SLC22A24: variants seen among roughly 807,000 people sequenced by gnomAD.
The protein encoded by SLC22A24 is solute carrier family 22 member 24.
SLC22A24 carries 53 observed loss-of-function variants against 49.8 expected under a neutral mutation model. That is an observed-to-expected ratio of 1.06 (90% CI 0.85 to 1.34). The LOEUF (loss-of-function observed/expected upper bound fraction) is 1.34, where lower values mean the gene tolerates loss of function less well. Among genes scored for constraint, SLC22A24 ranks in the 40% most tolerant of loss-of-function variants. The probability of loss-of-function intolerance (pLI) is 0.00; values close to 1 mark genes in which losing one functional copy is unlikely to be tolerated. For missense variants in SLC22A24, 786 were observed against 675.9 expected, an observed-to-expected ratio of 1.16 and a Z score of -1.81; for synonymous variants, 302 against 256.4, an observed-to-expected ratio of 1.18 and a Z score of -1.70.
chr11:63,125,257 A>T (rs1164969154), intron 2 of SLC22A24, among the ~76,000 whole-genome samples: 6 of 152,060 alleles, frequency 3.9e-5, no homozygotes, highest in Non-Finnish European at 8.8e-5. Flanking sequence ...TGCTGCACCC[A>T]TTAACTTGTC....
chr11:63,082,213 G>T (rs1176780313), intron 7 of SLC22A24, among the ~76,000 whole-genome samples: 1 of 152,164 alleles, frequency 6.6e-6, no homozygotes, highest in Non-Finnish European at 1.5e-5. Flanking sequence ...GGGTTTATTT[G>T]GGAGTGGACA....
rs180812625 is a variant in SLC22A24 at position 63,120,861 on chromosome 11, T to C, written c.507-1526A>G. On this transcript the variant is annotated intron_variant, in intron 2 of 9. Transcript: ENST00000612278. ...TGTATGAGGCAACTTAGAATAGAAT[T>C]ATCTTTAAAAAAAGATCTATGATAC... is the stretch of plus-strand genomic sequence containing the variant. Among the ~76,000 whole-genome samples, 57 of 152,274 alleles carry C rather than the reference T, an allele frequency of 3.7e-4. 1 individual carries two copies. The highest frequency in any genetic ancestry group is 1.4e-3 in the African/African-American group (57 of 41,566).
rs748688066 is a variant in SLC22A24 at position 63,118,915 on chromosome 11, G to T, written c.827C>A (p.Ser276Tyr). 1 of 1,551,928 alleles carries T rather than the reference G, an allele frequency of 6.4e-7. No homozygotes were observed. Among genetic ancestry groups the T allele is most frequent in the Non-Finnish European group, 8.7e-7 (1 of 1,147,040 alleles). The change falls in exon 4 of 10, where the codon TCT becomes TAT. Residue 276 changes from serine (S) to tyrosine (Y), a missense_variant. Ser to Tyr is a moderately radical substitution (Grantham distance 144). Coordinates refer to ENST00000612278, the MANE Select transcript of SLC22A24 (RefSeq NM_001136506.2). ...STPIIVLFLSSWKMVESARWL... is the reference protein window; with the variant it reads ...STPIIVLFLSYWKMVESARWL... The stretch of plus-strand genomic sequence containing the variant: ...AGAATGTGGAGATTGTTCATACCAA[G>T]AGGACAAGAAGAGGACAATTATGGG...
rs186327911 is a variant in SLC22A24 at position 63,107,147 on chromosome 11, A to G, written c.831-2849T>C. ...GGGATCCAGTTTCAGCTTTCTACAT[A>G]TGGCTAGCCAGTTTTCCCAGCAACA... is the stretch of plus-strand genomic sequence containing the variant. On this transcript the variant is annotated intron_variant, in intron 4 of 9. Transcript: ENST00000612278. 2.6e-3 allele frequency among the ~76,000 whole-genome samples: 401 copies of G among 152,284 alleles called. 1 individual carries two copies. The highest frequency in any genetic ancestry group is 9.0e-3 in the African/African-American group (373 of 41,550).
chr11:63,132,940 C>G (rs189052900), intron 2 of SLC22A24, among the ~76,000 whole-genome samples: 1 of 152,210 alleles, frequency 6.6e-6, no homozygotes, highest in Non-Finnish European at 1.5e-5. Context: ...GTAGTCCTTA[C>G]GGAGCTACGG....
chr11:63,095,458 A>G (rs2087048181), intron 6 of SLC22A24, among the ~76,000 whole-genome samples: 1 of 152,198 alleles, frequency 6.6e-6, no homozygotes, highest in Non-Finnish European at 1.5e-5. Context: ...AAAGGTACAC[A>G]GATAGCATGA....
chr11:63,104,436 C>G, intron 4 of SLC22A24, 138 bp from the exon 5 acceptor site: 1 of 857,646 alleles, frequency 1.2e-6, no homozygotes, highest in Non-Finnish European at 1.7e-6. Context: ...AAATTGGCCT[C>G]CTCTGCTGGA....
At position 63,119,336 on chromosome 11, in the gene SLC22A24, C is replaced by G. The variant is rs1456980806; in HGVS notation, c.507-1G>C. The G allele has an allele frequency of 6.6e-7, 1 of 1,526,514 alleles. No individual in the cohort carries two copies. The highest frequency in any genetic ancestry group is 2.5e-5 in the East Asian group (1 of 40,750). 94.6% of individuals were successfully genotyped at this position (1,526,514 alleles called of 1,614,324 possible). ...TTTGCATATGATCTTCCGTCCAACC[C>G]TAAGAAATATTAAACCAGATAACGT... On this transcript the variant is annotated splice_acceptor_variant, in intron 2 of 9. Transcript: ENST00000612278. LOFTEE classifies it high-confidence loss of function.
intron 5 of SLC22A24, among the ~76,000 whole-genome samples, chr11:63,098,666 AAAAC>A (rs2014897065): frequency 6.6e-6 from 1 of 151,974 alleles, no homozygotes; most frequent in African/African-American, 2.4e-5. Flanking sequence ...CCATCTCAAA[AAAAC>A]AAACAAGCAA....
Position 63,130,402 on chromosome 11 carries a change from A to G in SLC22A24, c.506+4263T>C, listed in dbSNP as rs142268772. On this transcript the variant is annotated intron_variant, in intron 2 of 9. Transcript: ENST00000612278. The stretch of plus-strand genomic sequence containing the variant: ...CTAATATTTTATTGAGGATTTTCAC[A>G]TCAATGTTCATCAGGGATGTTGGTC... Among the ~76,000 whole-genome samples, 1,374 of 152,282 alleles carry G rather than the reference A, an allele frequency of 9.0e-3. 11 individuals are homozygous for G. The highest frequency in any genetic ancestry group is 0.013 in the Non-Finnish European group (899 of 68,026).
intron 6 of SLC22A24, among the ~76,000 whole-genome samples, chr11:63,088,686 G>C (rs1173750342): frequency 6.6e-6 from 1 of 151,988 alleles, no homozygotes; most frequent in African/African-American, 2.4e-5. Flanking sequence ...TTGATAAAAG[G>C]TTGCAGGAAC....
chr11:63,097,186 A>G (rs1590732606), intron 5 of SLC22A24, among the ~76,000 whole-genome samples: 1 of 151,604 alleles, frequency 6.6e-6, no homozygotes, highest in Non-Finnish European at 1.5e-5. Context: ...CATCTGTCAA[A>G]GGGCTAATAT....
At chr11:63,141,118 G>T (rs529006421) in intron 1 of SLC22A24, among the ~76,000 whole-genome samples, 3 of 152,140 alleles carry the variant, frequency 2.0e-5, no homozygotes, top group South Asian at 2.1e-4. Context: ...ATTGTAAAGC[G>T]TTCTAAAAAG....
chr11:63,113,029 A>ATATATATATATATATATATATACACAC (rs1565331969), intron 4 of SLC22A24, among the ~76,000 whole-genome samples: 1 of 50,902 alleles, frequency 2.0e-5, no homozygotes. Context: ...AAAAAAAAAA[A>ATATATATATATATATATATATACACAC]AAAAAAATAT....
At chr11:63,126,931 T>A (rs1252906527) in intron 2 of SLC22A24, among the ~76,000 whole-genome samples, 2 of 152,166 alleles carry the variant, frequency 1.3e-5, no homozygotes, top group Non-Finnish European at 2.9e-5. Context: ...GGGAGTTCAC[T>A]CAGGATTTGG....
intron 4 of SLC22A24, among the ~76,000 whole-genome samples, chr11:63,105,759 C>T (rs1372065665): frequency 6.6e-6 from 1 of 151,982 alleles, no homozygotes; most frequent in East Asian, 1.9e-4. Context: ...GAGACATTTT[C>T]CTCATTTTCT....
At chr11:63,107,817 C>T (rs922675383) in intron 4 of SLC22A24, among the ~76,000 whole-genome samples, 4 of 152,086 alleles carry the variant, frequency 2.6e-5, no homozygotes, top group African/African-American at 9.7e-5. Context: ...TGCTTATCAG[C>T]TTAAGGAGAT....
In SLC22A24 at chr11:63,125,977, T is replaced by C. The variant is rs571455994; in HGVS notation, c.507-6642A>G. Among the ~76,000 whole-genome samples the C allele has an allele frequency of 2.0e-5, 3 of 152,348 alleles. No homozygotes were observed. The South Asian group carries it at 6.2e-4, about 32-fold the overall frequency. ...TCTTCTTTTGAGAAGTGTCTGTTCA[T>C]ATCCTTCGCCCACTTTTTGATGGGG... On this transcript the variant is annotated intron_variant, in intron 2 of 9. Transcript: ENST00000612278.
At position 63,104,205 on chromosome 11, in the gene SLC22A24, T is replaced by A; in HGVS notation, c.924A>T (p.Lys308Asn). 6.4e-7 allele frequency: 1 copy of A among 1,550,650 alleles called. No individual in the cohort carries two copies. The highest frequency in any genetic ancestry group is 8.7e-7 in the Non-Finnish European group (1 of 1,146,884). The part of the protein sequence containing the change: ...ELRRVAHING[K>N]KNTEETLTTE... ...TGGTCAGTGTCTCTTCAGTATTCTT[T>A]TTTCCATTTATGTGTGCAACTCTTC... Residue 308 changes from lysine (K) to asparagine (N), a missense_variant, in exon 5 of 10, where the codon AAA becomes AAT. Transcript: ENST00000612278.
Sources: allele counts gnomAD v4.1 joint callset (sites outside exome capture counted in the v4.1 genomes callset), GRCh38; gene constraint gnomAD v4.1.1; transcripts MANE v1.5; gene names NCBI Gene and HGNC (gene_info 2026-07-23, HGNC 2026-07-21).